Variants in GRIK4 observed in about 807,000 individuals in gnomAD.
GRIK4 encodes glutamate receptor ionotropic, kainate 4.
GRIK4 carries 40 observed loss-of-function variants against 104.9 expected under a neutral mutation model. The ratio of observed to expected loss-of-function variants is 0.38; its 90% confidence interval spans 0.30 to 0.50. The LOEUF (loss-of-function observed/expected upper bound fraction) is 0.50, where lower values mean the gene tolerates loss of function less well. GRIK4 is among the 20% of genes least tolerant of loss of function. The pLI, the probability that GRIK4 is intolerant of heterozygous loss-of-function variation, is 0.93. For synonymous variants in GRIK4, 485 were observed against 524.9 expected (o/e 0.92, Z 1.04); for missense variants, 1,047 against 1,308.1 (o/e 0.80, Z 3.08).
intron 3 of GRIK4, among the ~76,000 whole-genome samples, chr11:120,778,618 C>G (rs1048477978): frequency 3.0e-4 from 46 of 152,174 alleles, no homozygotes; most frequent in African/African-American, 1.1e-3. Flanking sequence ...CCAACAGATT[C>G]ATGGAGTGGG....
intron 3 of GRIK4, among the ~76,000 whole-genome samples, chr11:120,736,040 C>G (rs12294871): frequency 0.04 from 6,070 of 152,096 alleles, 392 homozygotes; most frequent in African/African-American, 0.14. Flanking sequence ...TGTGGCCGAG[C>G]TAGTAACTGA....
intron 3 of GRIK4, among the ~76,000 whole-genome samples, chr11:120,671,024 A>G (rs1280977144): frequency 2.0e-5 from 3 of 152,216 alleles, no homozygotes; most frequent in African/African-American, 7.2e-5. Flanking sequence ...CCTGCAAAGG[A>G]CATGAACTCA....
chr11:120,641,729 C>CCA (rs1253144555), intron 1 of GRIK4, among the ~76,000 whole-genome samples: 1 of 152,092 alleles, frequency 6.6e-6, no homozygotes, highest in African/African-American at 2.4e-5. Context: ...AGCTCGTTTA[C>CCA]CACACACCCT....
intron 1 of GRIK4, among the ~76,000 whole-genome samples, chr11:120,644,335 C>T (rs1233791528): frequency 6.6e-6 from 1 of 152,062 alleles, no homozygotes; most frequent in African/African-American, 2.4e-5. Flanking sequence ...AATGTGGTAC[C>T]GTTGTGAATT....
chr11:120,634,681 A>G (rs1949375370), intron 1 of GRIK4, among the ~76,000 whole-genome samples: 1 of 152,202 alleles, frequency 6.6e-6, no homozygotes, highest in Non-Finnish European at 1.5e-5. Context: ...ATCTGGAGAC[A>G]GCAGATTTGG....
chr11:120,574,408 C>T (rs1373686416), intron 1 of GRIK4, among the ~76,000 whole-genome samples: 1 of 152,212 alleles, frequency 6.6e-6, no homozygotes, highest in Non-Finnish European at 1.5e-5. Context: ...TATATGGTCT[C>T]TTAAATTCTC....
chr11:120,948,168 A>G (rs1943908807), intron 14 of GRIK4, among the ~76,000 whole-genome samples: 1 of 152,184 alleles, frequency 6.6e-6, no homozygotes, highest in Non-Finnish European at 1.5e-5. Context: ...TCTTGGAGAC[A>G]CTGCGTTCTC....
intron 7 of GRIK4, among the ~76,000 whole-genome samples, chr11:120,835,301 G>A (rs936133648): frequency 1.3e-5 from 2 of 152,232 alleles, no homozygotes; most frequent in Non-Finnish European, 2.9e-5. Context: ...GCCAAGGCAG[G>A]CAGATCACTT....
chr11:120,817,330 A>G (rs931324181), intron 5 of GRIK4, among the ~76,000 whole-genome samples: 47 of 152,210 alleles, frequency 3.1e-4, no homozygotes, highest in Admixed American at 6.5e-5. Context: ...CCCCTGTGCC[A>G]GACCAGCCAG....
intron 3 of GRIK4, among the ~76,000 whole-genome samples, chr11:120,730,951 A>C (rs1252517000): frequency 6.6e-6 from 1 of 152,182 alleles, no homozygotes; most frequent in Non-Finnish European, 1.5e-5. Context: ...ATCAGTTCTA[A>C]TAGTTTTTTG....
chr11:120,781,113 C>A (rs1266466671), intron 3 of GRIK4, among the ~76,000 whole-genome samples: 1 of 151,708 alleles, frequency 6.6e-6, no homozygotes, highest in Non-Finnish European at 1.5e-5. Context: ...TCCAATTTCT[C>A]CACTTTTTAT....
chr11:120,795,408 G>A (rs1371887454), intron 3 of GRIK4, among the ~76,000 whole-genome samples: 1 of 152,220 alleles, frequency 6.6e-6, no homozygotes, highest in Admixed American at 6.5e-5. Flanking sequence ...GCGGATCCCT[G>A]TGTCGTGGGG....
chr11:120,675,933 T>A (rs2135275681), intron 3 of GRIK4, among the ~76,000 whole-genome samples: 1 of 152,318 alleles, frequency 6.6e-6, no homozygotes, highest in East Asian at 1.9e-4. Flanking sequence ...AAGACAAAAT[T>A]ATGATCTTAC....
intron 1 of GRIK4, among the ~76,000 whole-genome samples, chr11:120,532,169 T>C (rs1320946027): frequency 6.6e-6 from 1 of 152,140 alleles, no homozygotes; most frequent in Non-Finnish European, 1.5e-5. Flanking sequence ...GATTGCATGG[T>C]CCCGATTTGA....
intron 4 of GRIK4, among the ~76,000 whole-genome samples, chr11:120,807,852 G>T (rs1952747382): frequency 6.6e-6 from 1 of 152,142 alleles, no homozygotes; most frequent in South Asian, 2.1e-4. Flanking sequence ...TGAGGTTCAA[G>T]ATCTTCTCCA....
chr11:120,944,352 G>A (rs1591313814), intron 14 of GRIK4, among the ~76,000 whole-genome samples: 1 of 152,150 alleles, frequency 6.6e-6, no homozygotes, highest in East Asian at 1.9e-4. Flanking sequence ...GCTCCCCTGA[G>A]TTCCAGTAGT....
At chr11:120,572,595 C>A (rs1948415620) in intron 1 of GRIK4, among the ~76,000 whole-genome samples, 1 of 152,146 alleles carries the variant, frequency 6.6e-6, no homozygotes, top group Non-Finnish European at 1.5e-5. Context: ...CCCGTCTTTA[C>A]AATCATCACC....
intron 1 of GRIK4, among the ~76,000 whole-genome samples, chr11:120,595,395 C>T (rs909855641): frequency 5.9e-5 from 9 of 152,182 alleles, no homozygotes; most frequent in South Asian, 2.1e-4. Flanking sequence ...ATTATTTTTT[C>T]GGTATACTTT....
chr11:120,635,413 C>G (rs1440618354), intron 1 of GRIK4, among the ~76,000 whole-genome samples: 1 of 152,244 alleles, frequency 6.6e-6, no homozygotes, highest in Non-Finnish European at 1.5e-5. Context: ...CAGGGCCTTC[C>G]TGACATTCAG....
Sources: allele counts gnomAD v4.1 joint callset (sites outside exome capture counted in the v4.1 genomes callset), GRCh38; gene constraint gnomAD v4.1.1; transcripts MANE v1.5; gene names NCBI Gene and HGNC (gene_info 2026-07-23, HGNC 2026-07-21).